The following KIF24 variants were observed in gnomAD, a reference collection of about 807,000 sequenced individuals.
The protein encoded by KIF24 is kinesin family member 24, also known as kinesin-like protein KIF24.
In KIF24, 81 loss-of-function variants were observed where a neutral mutation model predicts 118.9. That is an observed-to-expected ratio of 0.68 (90% CI 0.57 to 0.82). The LOEUF (loss-of-function observed/expected upper bound fraction) is 0.82. KIF24 is among the 40% of genes least tolerant of loss of function. The probability of loss-of-function intolerance (pLI) is 0.00; values close to 1 mark genes in which losing one functional copy is unlikely to be tolerated. For synonymous variants in KIF24, 599 were observed against 610.0 expected (o/e 0.98, Z 0.27); for missense variants, 1,560 against 1,661.6 (o/e 0.94, Z 1.06).
chr9:34,278,236 C>A (rs536339371), intron 6 of KIF24, among the ~76,000 whole-genome samples: 1 of 152,144 alleles, frequency 6.6e-6, no homozygotes, highest in South Asian at 2.1e-4. Flanking sequence ...TGGTGAAACC[C>A]CATCTCTACT....
At chr9:34,283,052 CAAAAAA>C (rs33926979) in intron 6 of KIF24, among the ~76,000 whole-genome samples, 1 of 69,060 alleles carries the variant, frequency 1.4e-5, no homozygotes, top group Non-Finnish European at 2.8e-5. Flanking sequence ...AACTCCGTCT[CAAAAAA>C]AAAAAAAAAA....
rs1587911298 is a variant in KIF24, at chr9:34,259,598, G to T, written c.1623C>A (p.Asp541Glu). The T allele has an allele frequency of 1.2e-6, 2 of 1,612,868 alleles. No homozygotes were observed. Among genetic ancestry groups the T allele is most frequent in the East Asian group, 4.5e-5 (2 of 44,868 alleles). Residue 541 changes from aspartate to glutamate, a missense_variant and splice_region_variant, in exon 10 of 13, where the codon GAC (aspartate) becomes GAA (glutamate). Transcript: ENST00000402558. ...CTGCCATCTGGGAGCTGACTTACCG[G>T]TCAGCATAGCGCAAGGTGTTGAGAG... ...EHTLNTLRYA[D>E]RVKELKKGIK...
chr9:34,280,200 C>G (rs1012541496), intron 6 of KIF24, among the ~76,000 whole-genome samples: 20 of 137,102 alleles, frequency 1.5e-4, no homozygotes, highest in Admixed American at 8.2e-5. Flanking sequence ...AGGAGAATGG[C>G]GTGAACCCGG....
upstream of KIF24, among the ~76,000 whole-genome samples, chr9:34,330,252 A>G (rs1325425518): frequency 6.6e-6 from 1 of 152,136 alleles, no homozygotes; most frequent in Non-Finnish European, 1.5e-5. Flanking sequence ...ACAAAATACA[A>G]AAGTTAGCCA....
intron 6 of KIF24, among the ~76,000 whole-genome samples, chr9:34,273,283 C>T (rs1483391997): frequency 1.3e-5 from 2 of 150,518 alleles, no homozygotes; most frequent in Non-Finnish European, 3.0e-5. Context: ...ACCTCGGCCT[C>T]CCAAAATGCT....
intron 1 of KIF24, among the ~76,000 whole-genome samples, 30 bp downstream of exon 1, chr9:34,329,076 C>T (rs943796292): frequency 2.0e-5 from 3 of 152,252 alleles, no homozygotes; most frequent in Non-Finnish European, 4.4e-5. Context: ...CCAGACCTAC[C>T]CCTCCTCTAT....
intron 1 of KIF24, among the ~76,000 whole-genome samples, chr9:34,324,340 C>A (rs10972059): frequency 0.046 from 6,936 of 152,270 alleles, 256 homozygotes; most frequent in Admixed American, 0.089. Flanking sequence ...GGTGAAAATA[C>A]CATTCATGCA....
At chr9:34,282,909 G>A (rs1835900091) in intron 6 of KIF24, among the ~76,000 whole-genome samples, 1 of 151,670 alleles carries the variant, frequency 6.6e-6, no homozygotes, top group African/African-American at 2.4e-5. Flanking sequence ...AAAATTAGGT[G>A]GGCATGGTGG....
Position 34,256,331 on chromosome 9 carries a change from G to A in KIF24, c.3276C>T (p.His1092=). The A allele has an allele frequency of 6.2e-7, 1 of 1,613,604 alleles. No individual in the cohort carries two copies. ...AESTGGPVVS[H]TVPSGDQEAA... is the part of the protein sequence containing the mutation. ...CCTCTTGATCACCAGATGGCACTGT[G>A]TGGCTCACAACTGGGCCCCCTGTGC... The change falls in exon 11 of 13, where the codon CAC becomes CAT. Residue 1092 remains histidine, a synonymous_variant. Transcript: ENST00000402558.
At chr9:34,324,947 T>A (rs1403081786) in intron 1 of KIF24, among the ~76,000 whole-genome samples, 1 of 152,148 alleles carries the variant, frequency 6.6e-6, no homozygotes, top group African/African-American at 2.4e-5. Flanking sequence ...CTTTTGCATA[T>A]CTCTATTATT....
At chr9:34,271,538 A>G (rs1835509309) in intron 7 of KIF24, among the ~76,000 whole-genome samples, 1 of 152,084 alleles carries the variant, frequency 6.6e-6, no homozygotes, top group Admixed American at 6.6e-5. Context: ...TGCATTCCCT[A>G]CTGTTTCTCT....
intron 3 of KIF24, among the ~76,000 whole-genome samples, chr9:34,298,782 G>A (rs1361016957): frequency 7.2e-5 from 11 of 152,256 alleles, no homozygotes; most frequent in Non-Finnish European, 5.9e-5. Flanking sequence ...ATTCAGTGGT[G>A]AGGTAAAAAG....
Position 34,254,467 on chromosome 9 carries a change from C to T in KIF24, c.4020G>A (p.Lys1340=). The part of the protein sequence containing the change: ...QLDEIMVLKS[K]CIQSLRSQLQ... ...GCTGGCTCCTCAGACTCTGGATACACTTGGATTTCAGAACCATGATTTCAT... is the reference window on the plus strand; with the variant it reads ...GCTGGCTCCTCAGACTCTGGATACATTTGGATTTCAGAACCATGATTTCAT... Residue 1340 remains lysine, a synonymous_variant, in exon 13 of 13, where the codon AAG becomes AAA. Transcript: ENST00000402558. 1 of 1,613,938 alleles carries T rather than the reference C, an allele frequency of 6.2e-7. No homozygotes were observed. The highest frequency in any genetic ancestry group is 8.5e-7 in the Non-Finnish European group (1 of 1,179,848).
Position 34,329,222 on chromosome 9 carries a change from G to T in KIF24, c.-142C>A, listed in dbSNP as rs1424152414. ...CGTCAACCCGGGAGCCACCGGCGGCGGCCAGGCCGCATCTCCATGGCAACG... is the reference window on the plus strand; with the variant it reads ...CGTCAACCCGGGAGCCACCGGCGGCTGCCAGGCCGCATCTCCATGGCAACG... On this transcript the variant is annotated 5_prime_UTR_variant, in exon 1 of 13. Coordinates refer to ENST00000402558, the MANE Select transcript of KIF24 (RefSeq NM_194313.4). Among the ~76,000 whole-genome samples the T allele has an allele frequency of 6.6e-6, 1 of 152,238 alleles. No individual in the cohort carries two copies. Among genetic ancestry groups the T allele is most frequent in the Admixed American group, 6.5e-5 (1 of 15,288 alleles).
chr9:34,310,110 C>T (rs532688002), intron 2 of KIF24, among the ~76,000 whole-genome samples: 30 of 152,146 alleles, frequency 2.0e-4, no homozygotes, highest in African/African-American at 6.7e-4. Flanking sequence ...AACTTATTGT[C>T]ACCCTGACTC....
At chr9:34,258,049 C>A (rs1834926400) in intron 10 of KIF24, 68 bp from the exon 11 acceptor site, 2 of 1,229,468 alleles carry the variant, frequency 1.6e-6, no homozygotes, top group Non-Finnish European at 2.3e-6. Context: ...CTATAGCTTT[C>A]TGGGAAAACA....
At chr9:34,325,344 C>CAA (rs35972295) in intron 1 of KIF24, among the ~76,000 whole-genome samples, 122 of 118,144 alleles carry the variant, frequency 1.0e-3, no homozygotes, top group South Asian at 6.1e-3. Context: ...GACTTCGTCT[C>CAA]AAAAAAAAAA....
chr9:34,287,591 G>T (rs1380343959), intron 5 of KIF24, among the ~76,000 whole-genome samples: 2 of 152,124 alleles, frequency 1.3e-5, no homozygotes, highest in Non-Finnish European at 2.9e-5. Flanking sequence ...ATACAAGAAT[G>T]ATTTTCTCAA....
chr9:34,327,868 A>C (rs1410109513), intron 1 of KIF24, among the ~76,000 whole-genome samples: 1 of 151,250 alleles, frequency 6.6e-6, no homozygotes, highest in Non-Finnish European at 1.5e-5. Context: ...TAATAAAGGG[A>C]CTAAATGACT....
Sources: gnomAD v4.1 joint callset for allele counts (sites outside exome capture counted in the v4.1 genomes callset) on GRCh38, gnomAD v4.1.1 for gene constraint, MANE v1.5 for transcripts, NCBI Gene and HGNC (gene_info 2026-07-23, HGNC 2026-07-21) for gene names.